Variants in C8orf88 observed in about 807,000 individuals in gnomAD.
C8orf88 encodes the protein uncharacterized protein C8orf88.
C8orf88 carries 14 observed loss-of-function variants against 18.4 expected under a neutral mutation model. That is an observed-to-expected ratio of 0.76 (90% CI 0.50 to 1.19). The LOEUF (loss-of-function observed/expected upper bound fraction) is 1.19, where lower values mean the gene tolerates loss of function less well. C8orf88 is among the 50% of genes most tolerant of loss of function. The pLI is 0.00. For synonymous variants in C8orf88, 45 were observed against 42.9 expected, an observed-to-expected ratio of 1.05 and a Z score of -0.19; for missense variants, 116 against 134.7, an observed-to-expected ratio of 0.86 and a Z score of 0.69.
At chr8:90,983,517 G>A (rs1053463877) in intron 1 of C8orf88, among the ~76,000 whole-genome samples, 1 of 152,026 alleles carries the variant, frequency 6.6e-6, no homozygotes, top group Non-Finnish European at 1.5e-5. Context: ...TATCAGTCCT[G>A]ATATTACCAG....
chr8:90,973,774 C>T (rs1464499667), intron 3 of C8orf88, among the ~76,000 whole-genome samples: 2 of 152,100 alleles, frequency 1.3e-5, no homozygotes, highest in African/African-American at 4.8e-5. Flanking sequence ...GTGAGCACCC[C>T]ATCTGGCCCT....
intron 1 of C8orf88, among the ~76,000 whole-genome samples, chr8:90,982,872 G>A (rs897614002): frequency 2.6e-5 from 4 of 152,050 alleles, no homozygotes; most frequent in African/African-American, 9.7e-5. Context: ...AATGAAAAAG[G>A]TTAAGTATTT....
At chr8:90,959,827 A>T (rs1811099699) in intron 5 of C8orf88, among the ~76,000 whole-genome samples, 2 of 151,308 alleles carry the variant, frequency 1.3e-5, no homozygotes, top group Admixed American at 1.3e-4. Flanking sequence ...GCCTTTACCT[A>T]TATAAAGGTA....
chr8:90,960,752 A>T lies in C8orf88; in HGVS notation c.320T>A (p.Leu107Gln). The change falls in exon 5 of 6, where the codon CTG (leucine) becomes CAG (glutamine). Residue 107 changes from leucine to glutamine, a missense_variant. Leu to Gln is a moderately radical substitution (Grantham distance 113, BLOSUM62 -2). Transcript: ENST00000517562. ...TAGAAAACTACTTACTGGTTTTTGC[A>T]GTACAATGGGATGATCAGGCAGAAA... is the stretch of plus-strand genomic sequence containing the variant. Reference protein sequence around the residue: ...PDFLPDHPIVLQKPENNQSFK With the variant: ...PDFLPDHPIVQQKPENNQSFK 6.6e-7 allele frequency: 1 copy of T among 1,523,256 alleles called. No individual in the cohort carries two copies. Among genetic ancestry groups the T allele is most frequent in the South Asian group, 1.2e-5 (1 of 82,760 alleles). The allele number at this position is 1,523,256 out of a possible 1,614,324, so 94.4% of individuals were successfully genotyped here. A position where few individuals can be genotyped will look rare whatever the true frequency, so the allele number is the denominator to read the frequency against.
At position 90,960,793 on chromosome 8, in the gene C8orf88, G is replaced by A; in HGVS notation, c.279C>T (p.Cys93=). 6.5e-7 allele frequency: 1 copy of A among 1,531,346 alleles called. No individual in the cohort carries two copies. The highest frequency in any genetic ancestry group is 8.7e-7 in the Non-Finnish European group (1 of 1,143,600). The allele number at this position is 1,531,346 out of a possible 1,614,324, so 94.9% of individuals were successfully genotyped here. A position where few individuals can be genotyped will look rare whatever the true frequency, so the allele number is the denominator to read the frequency against. ...CAGGCAGAAAGTCTGGTTTTTTTCT[G>A]CAGATGGAAACACTTGAGAGCTTCA... ...FLLKLSSVSI[C]RKKPDFLPDH... is the part of the protein sequence containing the mutation. Residue 93 remains cysteine (C), a synonymous_variant, in exon 5 of 6, where the codon TGC becomes TGT. Coordinates refer to ENST00000517562, the MANE Select transcript of C8orf88 (RefSeq NM_001190972.2).
intron 2 of C8orf88, among the ~76,000 whole-genome samples, chr8:90,979,948 A>T (rs1293765400): frequency 1.3e-5 from 2 of 152,206 alleles, no homozygotes; most frequent in African/African-American, 4.8e-5. Context: ...AGAACCTTTA[A>T]GATTTGTGCT....
chr8:90,979,399 T>A (rs962589429), intron 2 of C8orf88, among the ~76,000 whole-genome samples: 8 of 152,202 alleles, frequency 5.3e-5, no homozygotes, highest in African/African-American at 7.2e-5. Context: ...CACAACCGCT[T>A]CCACTGCACC....
At chr8:90,983,904 AAATT>A (rs1479513189) in intron 1 of C8orf88, among the ~76,000 whole-genome samples, 1 of 152,204 alleles carries the variant, frequency 6.6e-6, no homozygotes, top group African/African-American at 2.4e-5. Context: ...ATAGATTTAA[AAATT>A]AATGTGAAAA....
In C8orf88 at chr8:90,966,501, A is replaced by G. The variant is rs192628602; in HGVS notation, c.223+4565T>C. 9.2e-3 allele frequency among the ~76,000 whole-genome samples: 1,347 copies of G among 146,704 alleles called. 21 individuals carry two copies. Among genetic ancestry groups the G allele is most frequent in the African/African-American group, 0.031 (1,259 of 40,564 alleles). On this transcript the variant is annotated intron_variant, in intron 4 of 5. Transcript: ENST00000517562. ...ACATGTACCCTAAAACTTAAAGTAT[A>G]ATAATAATAATAATAATAATAAAGA...
chr8:90,960,959 C>A (rs1173531858), intron 4 of C8orf88, 111 bp from the exon 5 acceptor site: 2 of 503,080 alleles, frequency 4.0e-6, no homozygotes, highest in South Asian at 3.8e-5. Flanking sequence ...AATGATGAGT[C>A]GTGTGTCTAT....
chr8:90,960,649 A>G, intron 5 of C8orf88, 93 bp downstream of exon 5: 2 of 608,530 alleles, frequency 3.3e-6, no homozygotes, highest in Non-Finnish European at 5.4e-6. Context: ...ATAATAAGGA[A>G]GGTTAAAAAT....
intron 4 of C8orf88, among the ~76,000 whole-genome samples, chr8:90,967,593 A>G (rs1025880653): frequency 1.6e-4 from 24 of 151,812 alleles, no homozygotes; most frequent in Non-Finnish European, 2.5e-4. Context: ...CAATCTTCTT[A>G]CTTGCTATAG....
At chr8:90,959,109 G>C (rs1054926139) in intron 5 of C8orf88, 79 bp from the exon 6 acceptor site, 1 of 636,626 alleles carries the variant, frequency 1.6e-6, no homozygotes, top group African/African-American at 1.9e-5. Context: ...ACCAAATACT[G>C]TGAACGTACC....
At chr8:90,972,624 G>A (rs758536686) in intron 3 of C8orf88, among the ~76,000 whole-genome samples, 1 of 152,048 alleles carries the variant, frequency 6.6e-6, no homozygotes, top group Non-Finnish European at 1.5e-5. Context: ...TTTATACAGT[G>A]ATTATCTATA....
At chr8:90,984,730 TGC>T (rs1811480423) in intron 1 of C8orf88, among the ~76,000 whole-genome samples, 2 of 152,176 alleles carry the variant, frequency 1.3e-5, no homozygotes, top group Non-Finnish European at 2.9e-5. Context: ...GAAAACCTTG[TGC>T]CACCGGGTGG....
intron 3 of C8orf88, among the ~76,000 whole-genome samples, chr8:90,975,735 T>C (rs2631029): frequency 0.48 from 73,217 of 151,852 alleles, 20,667 homozygotes; most frequent in Non-Finnish European, 0.64. Flanking sequence ...TTATGATATC[T>C]TATAACGCTA....
In C8orf88 at chr8:90,971,145, T is replaced by C. The variant is rs1211402082; in HGVS notation, c.148-4A>G. 1 of 1,465,454 alleles carries C rather than the reference T, an allele frequency of 6.8e-7. No individual in the cohort carries two copies. The highest frequency in any genetic ancestry group is 9.0e-7 in the Non-Finnish European group (1 of 1,110,360). 90.8% of individuals were successfully genotyped at this position (1,465,454 alleles called of 1,614,324 possible). On this transcript the variant is annotated splice_region_variant and splice_polypyrimidine_tract_variant and intron_variant, in intron 3 of 5. Transcript: ENST00000517562. ...CTTGCATTCCATTCGTCTTACACTG[T>C]TAAACATGAAGAAAATAAACTTTTT...
Position 90,975,931 on chromosome 8 carries a change from T to TAA in C8orf88, c.147+2646_147+2647dup, listed in dbSNP as rs57561343. Among the ~76,000 whole-genome samples, 275 of 142,904 alleles carry TAA rather than the reference T, an allele frequency of 1.9e-3. 2 individuals carry two copies. Among genetic ancestry groups the TAA allele is most frequent in the African/African-American group, 6.3e-3 (252 of 39,836 alleles). The allele number at this position is 142,904 out of a possible 152,430, so 93.8% of individuals were successfully genotyped here. A position where few individuals can be genotyped will look rare whatever the true frequency, so the allele number is the denominator to read the frequency against. On this transcript the variant is annotated intron_variant, in intron 3 of 5. Coordinates refer to ENST00000517562, the MANE Select transcript of C8orf88 (RefSeq NM_001190972.2). ...TTTAAAGTAGGACACTATTCCACAT[T>TAA]AAAAAAAAAAAACAACTACTGATAT...
At chr8:90,966,590 T>C (rs1017125734) in intron 4 of C8orf88, among the ~76,000 whole-genome samples, 2 of 151,112 alleles carry the variant, frequency 1.3e-5, no homozygotes, top group Non-Finnish European at 3.0e-5. Context: ...AGTTGGTTTT[T>C]TGAAAAGATA....
Sources: allele counts gnomAD v4.1 joint callset (sites outside exome capture counted in the v4.1 genomes callset), GRCh38; gene constraint gnomAD v4.1.1; transcripts MANE v1.5; gene names NCBI Gene and HGNC (gene_info 2026-07-23, HGNC 2026-07-21).